The following NRG2 variants were observed in gnomAD, a reference collection of about 807,000 sequenced individuals.
NRG2 encodes neuregulin 2.
NRG2 carries 27 observed loss-of-function variants against 73.9 expected under a neutral mutation model. The observed-to-expected ratio is 0.37, with a 90% CI of 0.27 to 0.50. NRG2 has a LOEUF of 0.50. Among genes scored for constraint, NRG2 ranks in the 20% least tolerant of loss-of-function variants. The pLI is 0.96. For synonymous variants in NRG2, 532 were observed against 541.0 expected (o/e 0.98, Z 0.23); for missense variants, 1,126 against 1,210.1 (o/e 0.93, Z 1.03).
At chr5:139,905,656 G>A (rs35316811) in intron 1 of NRG2, among the ~76,000 whole-genome samples, 23,236 of 149,784 alleles carry the variant, frequency 0.16, 1,851 homozygotes, top group South Asian at 0.25. Flanking sequence ...TGGGGCGCAA[G>A]TCTGTCTCAT....
intron 1 of NRG2, among the ~76,000 whole-genome samples, chr5:139,916,311 C>T (rs74585427): frequency 2.0e-3 from 306 of 152,324 alleles, no homozygotes; most frequent in Non-Finnish European, 3.3e-3. Flanking sequence ...ATCCAGTCCT[C>T]ACTGCTCAAC....
chr5:140,014,761 C>G (rs182493109), intron 1 of NRG2, among the ~76,000 whole-genome samples: 5 of 152,324 alleles, frequency 3.3e-5, no homozygotes, highest in Admixed American at 3.3e-4. Context: ...CTATTCTCAA[C>G]ATAGCACACT....
At chr5:139,971,111 G>A (rs1454475031) in intron 1 of NRG2, among the ~76,000 whole-genome samples, 1 of 152,044 alleles carries the variant, frequency 6.6e-6, no homozygotes, top group Non-Finnish European at 1.5e-5. Flanking sequence ...TCTGCCTCTG[G>A]GCCATAGTAA....
chr5:139,975,950 C>T (rs999820886), intron 1 of NRG2, among the ~76,000 whole-genome samples: 1 of 152,178 alleles, frequency 6.6e-6, no homozygotes, highest in Admixed American at 6.5e-5. Context: ...AAAATGCTAA[C>T]ATTTATTAAG....
chr5:139,993,619 A>G (rs1047097192), intron 1 of NRG2, among the ~76,000 whole-genome samples: 8 of 152,182 alleles, frequency 5.3e-5, no homozygotes, highest in Non-Finnish European at 7.3e-5. Flanking sequence ...TTTGATTTTC[A>G]TCTTGCTCCA....
chr5:139,986,962 A>G (rs1019937769), intron 1 of NRG2, among the ~76,000 whole-genome samples: 3 of 152,122 alleles, frequency 2.0e-5, no homozygotes, highest in African/African-American at 7.2e-5. Flanking sequence ...TTTGTTAGAA[A>G]TCCCCAAAGG....
chr5:139,984,129 C>T (rs1757002028), intron 1 of NRG2, among the ~76,000 whole-genome samples: 1 of 152,052 alleles, frequency 6.6e-6, no homozygotes, highest in African/African-American at 2.4e-5. Flanking sequence ...CATTCTGGCA[C>T]AGTAATCTCA....
intron 1 of NRG2, among the ~76,000 whole-genome samples, chr5:139,968,429 G>A (rs558204935): frequency 6.6e-6 from 1 of 152,350 alleles, no homozygotes; most frequent in South Asian, 2.1e-4. Context: ...CTATAGAGAA[G>A]AGGCCTGTAG....
chr5:139,982,447 C>A (rs544553847), intron 1 of NRG2, among the ~76,000 whole-genome samples: 6 of 152,292 alleles, frequency 3.9e-5, no homozygotes, highest in African/African-American at 1.4e-4. Context: ...CAGCCCACAC[C>A]AATCTCTGCC....
At chr5:139,949,062 T>A (rs1354790104) in intron 1 of NRG2, among the ~76,000 whole-genome samples, 1 of 152,168 alleles carries the variant, frequency 6.6e-6, no homozygotes, top group African/African-American at 2.4e-5. Flanking sequence ...CAAAAATCTG[T>A]AGTGTAGACA....
At chr5:139,910,868 C>T (rs1765524712) in intron 1 of NRG2, among the ~76,000 whole-genome samples, 2 of 152,152 alleles carry the variant, frequency 1.3e-5, no homozygotes, top group Non-Finnish European at 2.9e-5. Flanking sequence ...ATCCTCCCTG[C>T]TTCATTTTCA....
chr5:139,882,532 A>G (rs6860347), intron 2 of NRG2, among the ~76,000 whole-genome samples: 86,803 of 152,026 alleles, frequency 0.57, 25,896 homozygotes, highest in African/African-American at 0.74. Flanking sequence ...GTCAATTATA[A>G]TTTGTTCCCT....
Position 139,856,039 on chromosome 5 carries a change from G to T in NRG2, c.1190-261C>A. 3.9e-6 allele frequency: 2 copies of T among 506,450 alleles called. No homozygotes were observed. Among genetic ancestry groups the T allele is most frequent in the South Asian group, 5.0e-5 (2 of 40,126 alleles). 31.4% of individuals were successfully genotyped at this position (506,450 alleles called of 1,614,324 possible). A position where few individuals can be genotyped will look rare whatever the true frequency, so the allele number is the denominator to read the frequency against. On this transcript the variant is annotated intron_variant, in intron 5 of 9. Transcript: ENST00000361474. The surrounding 1 kb of genome is among the most constrained non-coding windows in gnomAD (Gnocchi z 4.2). ...GTTCCCCTCCCCAAGCCCCATGCCT[G>T]CCCAGAGCACATGAGTGGAAAATGC...
In NRG2 at chr5:140,001,139, T is replaced by G. The variant is rs555165861; in HGVS notation, c.700+41231A>C. Among the ~76,000 whole-genome samples, 55 of 152,276 alleles carry G rather than the reference T, an allele frequency of 3.6e-4. No individual in the cohort carries two copies. In the South Asian group the frequency reaches 0.011, roughly 30 times the overall value. ...CTACTGGACTCCTCTCCCTCTGATC[T>G]CCCATCGGTATCCATACCATTTATT... On this transcript the variant is annotated intron_variant, in intron 1 of 9. Coordinates refer to ENST00000361474, the MANE Select transcript of NRG2 (RefSeq NM_004883.3).
intron 2 of NRG2, among the ~76,000 whole-genome samples, chr5:139,884,917 A>G (rs1763766078): frequency 6.6e-6 from 1 of 152,148 alleles, no homozygotes; most frequent in African/African-American, 2.4e-5. Context: ...GAGGAGGGAA[A>G]GAGGCACGAC....
At chr5:139,897,333 G>C (rs1764610872) in intron 1 of NRG2, among the ~76,000 whole-genome samples, 1 of 152,216 alleles carries the variant, frequency 6.6e-6, no homozygotes, top group Non-Finnish European at 1.5e-5. Flanking sequence ...TGTATGTCAA[G>C]AAGTTTGCAC....
chr5:140,016,242 T>C (rs1401269932), intron 1 of NRG2, among the ~76,000 whole-genome samples: 1 of 151,800 alleles, frequency 6.6e-6, no homozygotes, highest in Non-Finnish European at 1.5e-5. Context: ...GGGAGAGGAG[T>C]TGTAACTCTG....
intron 1 of NRG2, among the ~76,000 whole-genome samples, chr5:139,953,743 C>A (rs577565265): frequency 6.6e-6 from 1 of 152,028 alleles, no homozygotes; most frequent in African/African-American, 2.4e-5. Context: ...GGCCCCAGCC[C>A]GGGAGATGCT....
rs533911057 is a variant in NRG2 at position 139,852,775 on chromosome 5, G to A, written c.1416+129C>T. 2 of 1,496,416 alleles carry A rather than the reference G, an allele frequency of 1.3e-6. No homozygotes were observed. The highest frequency in any genetic ancestry group is 1.2e-5 in the South Asian group (1 of 82,832). 92.7% of individuals were successfully genotyped at this position (1,496,416 alleles called of 1,614,324 possible). A position where few individuals can be genotyped will look rare whatever the true frequency, so the allele number is the denominator to read the frequency against. ...AAACCAAGGCCAGCCATCCTGGTGA[G>A]GCAGTGCCTAGCAGGCAAGGCTGGC... On this transcript the variant is annotated intron_variant, in intron 7 of 9. Coordinates refer to ENST00000361474, the MANE Select transcript of NRG2 (RefSeq NM_004883.3). This position sits in a 1 kb window ranked among gnomAD's most constrained non-coding sequence, Gnocchi z 4.4.
Sources: gnomAD v4.1 joint callset for allele counts (sites outside exome capture counted in the v4.1 genomes callset) on GRCh38, gnomAD v4.1.1 for gene constraint, Gnocchi (gnomAD v3.1) non-coding constraint, MANE v1.5 for transcripts, NCBI Gene and HGNC (gene_info 2026-07-23, HGNC 2026-07-21) for gene names.